The following ARG1 variants were observed in gnomAD, a reference collection of about 807,000 sequenced individuals.
The protein encoded by ARG1 is arginase 1.
In ARG1, 20 loss-of-function variants were observed where a neutral mutation model predicts 33.0. The ratio of observed to expected loss-of-function variants is 0.61; its 90% confidence interval spans 0.43 to 0.88. The LOEUF is 0.88. ARG1 is among the 40% of genes least tolerant of loss of function. The probability of loss-of-function intolerance (pLI) is 0.00; values close to 1 mark genes in which losing one functional copy is unlikely to be tolerated. For synonymous variants in ARG1, 146 were observed against 140.6 expected, an observed-to-expected ratio of 1.04 and a Z score of -0.27; for missense variants, 374 against 384.7, an observed-to-expected ratio of 0.97 and a Z score of 0.23.
At chr6:131,578,951 G>A (rs1039301718) in intron 2 of ARG1, 160 bp from the exon 3 acceptor site, 2 of 751,350 alleles carry the variant, frequency 2.7e-6, no homozygotes, top group African/African-American at 3.5e-5. Flanking sequence ...TCAAGCAAAA[G>A]CAGACATGGG....
chr6:131,579,490 T>C, intron 3 of ARG1: 1 of 521,146 alleles, frequency 1.9e-6, no homozygotes, highest in South Asian at 2.3e-5. Context: ...ATCTGTATTT[T>C]GACCTAGTAC....
At chr6:131,574,794 G>A (rs1476107355) in intron 1 of ARG1, among the ~76,000 whole-genome samples, 1 of 152,172 alleles carries the variant, frequency 6.6e-6, no homozygotes, top group Non-Finnish European at 1.5e-5. Flanking sequence ...AGGCTTGCAA[G>A]GCAGCGAACA....
chr6:131,581,724 TCTC>T (rs1385879758), intron 4 of ARG1, among the ~76,000 whole-genome samples: 5 of 152,170 alleles, frequency 3.3e-5, no homozygotes, highest in African/African-American at 1.2e-4. Context: ...TAGCACCAGG[TCTC>T]CTCATTCCTT....
rs2114519068 is a variant in ARG1 at position 131,576,668 on chromosome 6, A to G, written c.63A>G (p.Arg21=). Residue 21 remains arginine (R), a synonymous_variant, in exon 2 of 8, where the codon CGA becomes CGG. Coordinates refer to ENST00000368087, the MANE Select transcript of ARG1 (RefSeq NM_000045.4). The stretch of plus-strand genomic sequence containing the variant: ...TTTATTTTTTAATTGTTCAGCCACG[A>G]GGAGGGGTGGAAGAAGGCCCTACAG... The part of the protein sequence containing the change: ...IGAPFSKGQP[R]GGVEEGPTVL... 2 of 1,613,840 alleles carry G rather than the reference A, an allele frequency of 1.2e-6. No homozygotes were observed. Among genetic ancestry groups the G allele is most frequent in the Admixed American group, 1.7e-5 (1 of 60,008 alleles).
rs1773791337 is a variant in ARG1 at position 131,579,256 on chromosome 6, A to C, written c.276A>C (p.Arg92Ser). 6.2e-7 allele frequency: 1 copy of C among 1,614,124 alleles called. No homozygotes were observed. Among genetic ancestry groups the C allele is most frequent in the East Asian group, 2.2e-5 (1 of 44,878 alleles). The stretch of plus-strand genomic sequence containing the variant: ...TGGCAGAAGTCAAGAAGAACGGAAG[A>C]ATCAGCCTGGTGCTGGGCGGAGACC... ...GKVAEVKKNG[R>S]ISLVLGGDHS... is the part of the protein sequence containing the mutation. Residue 92 changes from arginine to serine, a missense_variant, in exon 3 of 8, where the codon AGA (arginine) becomes AGC (serine). By Grantham distance (110) the Arg-to-Ser change is moderately radical. Transcript: ENST00000368087.
Position 131,576,740 on chromosome 6 carries a change from T to TAAA in ARG1, c.130+5_130+6insAAA. 1 of 1,612,218 alleles carries TAAA rather than the reference T, an allele frequency of 6.2e-7. No homozygotes were observed. Among genetic ancestry groups the TAAA allele is most frequent in the South Asian group, 1.1e-5 (1 of 91,050 alleles). ...TTGAGAAACTTAAAGAACAAGGTAA[T>TAAA]TTTTAAGTTGAAAAATGATCAGCCT... On this transcript the variant is annotated splice_donor_region_variant and intron_variant, in intron 2 of 7. Coordinates refer to ENST00000368087, the MANE Select transcript of ARG1 (RefSeq NM_000045.4).
At chr6:131,576,067 T>C (rs1200972802) in intron 1 of ARG1, among the ~76,000 whole-genome samples, 2 of 152,232 alleles carry the variant, frequency 1.3e-5, no homozygotes, top group Non-Finnish European at 2.9e-5. Flanking sequence ...TCTGTCTTGT[T>C]TTCCTAACTA....
chr6:131,581,278 G>A lies in ARG1; in HGVS notation c.365G>A (p.Trp122Ter), dbSNP rs104893947. The change falls in exon 4 of 8, where the codon TGG (tryptophan) becomes TAG (stop). Residue 122 changes from tryptophan (W) to a stop codon, truncating the protein, a stop_gained. Coordinates refer to ENST00000368087, the MANE Select transcript of ARG1 (RefSeq NM_000045.4). LOFTEE classifies it high-confidence loss of function. Reference sequence around the variant, plus strand: ...GTCCACCCTGATCTTGGAGTCATCTGGGTGGATGCTCACACTGATATCAAC... The same window carrying A: ...GTCCACCCTGATCTTGGAGTCATCTAGGTGGATGCTCACACTGATATCAAC... ...ARVHPDLGVI[W>*]VDAHTDINTP... 2.5e-6 allele frequency: 4 copies of A among 1,613,778 alleles called. No homozygotes were observed. The African/African-American group carries it at 5.3e-5, about 22-fold the overall frequency.
rs2114552870 is a variant in ARG1 at position 131,584,160 on chromosome 6, T to C, written c.*252T>C. The stretch of plus-strand genomic sequence containing the variant: ...CCTTAGAAAGAGAAGTGTACATTGA[T>C]TTCCAATTAAAAATTTGCTGGCATT... On this transcript the variant is annotated 3_prime_UTR_variant, in exon 8 of 8. Transcript: ENST00000368087. The C allele has an allele frequency of 2.1e-6, 1 of 466,022 alleles. No individual in the cohort carries two copies. 28.9% of individuals were successfully genotyped at this position (466,022 alleles called of 1,614,324 possible). A position where few individuals can be genotyped will look rare whatever the true frequency, so the allele number is the denominator to read the frequency against.
rs1306266187 is a variant in ARG1 at position 131,584,071 on chromosome 6, T to C, written c.*163T>C. ...TTCCCTCTTGGTGTAAAATTCAAGA[T>C]GTGGAAATTCTAACTTTTTTGAAAT... On this transcript the variant is annotated 3_prime_UTR_variant, in exon 8 of 8. Coordinates refer to ENST00000368087, the MANE Select transcript of ARG1 (RefSeq NM_000045.4). 2.5e-6 allele frequency: 2 copies of C among 810,594 alleles called. No homozygotes were observed. Among genetic ancestry groups the C allele is most frequent in the Non-Finnish European group, 1.9e-6 (1 of 534,356 alleles). 50.2% of individuals were successfully genotyped at this position (810,594 alleles called of 1,614,324 possible).
At position 131,584,054 on chromosome 6, in the gene ARG1, T is replaced by C; in HGVS notation, c.*146T>C. On this transcript the variant is annotated 3_prime_UTR_variant, in exon 8 of 8. Coordinates refer to ENST00000368087, the MANE Select transcript of ARG1 (RefSeq NM_000045.4). ...AGTATAAACTCTACAAATTCCCTCT[T>C]GGTGTAAAATTCAAGATGTGGAAAT... 1.1e-6 allele frequency: 1 copy of C among 900,948 alleles called. No homozygotes were observed. Among genetic ancestry groups the C allele is most frequent in the Non-Finnish European group, 1.6e-6 (1 of 616,178 alleles). 55.8% of individuals were successfully genotyped at this position (900,948 alleles called of 1,614,324 possible). A position where few individuals can be genotyped will look rare whatever the true frequency, so the allele number is the denominator to read the frequency against.
Position 131,582,661 on chromosome 6 carries a change from T to C in ARG1, c.506T>C (p.Ile169Thr). ...GGATTCTCCTGGGTGACTCCCTGTA[T>C]ATCTGCCAAGGATATTGTGTATATT... ...VPGFSWVTPC[I>T]SAKDIVYIGL... The change falls in exon 5 of 8, where the codon ATA becomes ACA. Residue 169 changes from isoleucine (I) to threonine (T), a missense_variant. By Grantham distance (89) the Ile-to-Thr change is moderately conservative. Coordinates refer to ENST00000368087, the MANE Select transcript of ARG1 (RefSeq NM_000045.4). 1.2e-6 allele frequency: 2 copies of C among 1,613,962 alleles called. No individual in the cohort carries two copies. The highest frequency in any genetic ancestry group is 1.7e-6 in the Non-Finnish European group (2 of 1,179,852).
At chr6:131,579,457 C>T (rs902517886) in intron 3 of ARG1, 172 bp downstream of exon 3, 12 of 629,866 alleles carry the variant, frequency 1.9e-5, no homozygotes, top group African/African-American at 7.4e-5. Flanking sequence ...AAACAGACTT[C>T]GCTCAATTTG....
chr6:131,576,895 G>T (rs1456689345), intron 2 of ARG1, among the ~76,000 whole-genome samples, 160 bp downstream of exon 2: 1 of 152,108 alleles, frequency 6.6e-6, no homozygotes, highest in South Asian at 2.1e-4. Context: ...CAGGGCATGG[G>T]GAGAATGCTC....
intron 2 of ARG1, among the ~76,000 whole-genome samples, chr6:131,577,104 T>TAAAAC (rs1207047734): frequency 1.3e-5 from 2 of 152,130 alleles, no homozygotes; most frequent in African/African-American, 4.8e-5. Flanking sequence ...TAAAATAAAA[T>TAAAAC]AAAACAGTAA....
Position 131,584,037 on chromosome 6 carries a change from C to A in ARG1, c.*129C>A, listed in dbSNP as rs1281815681. ...AAAATGTTTTTCCAATTAGTATAAA[C>A]TCTACAAATTCCCTCTTGGTGTAAA... On this transcript the variant is annotated 3_prime_UTR_variant, in exon 8 of 8. Coordinates refer to ENST00000368087, the MANE Select transcript of ARG1 (RefSeq NM_000045.4). The A allele has an allele frequency of 9.7e-7, 1 of 1,034,642 alleles. No individual in the cohort carries two copies. Among genetic ancestry groups the A allele is most frequent in the Admixed American group, 2.8e-5 (1 of 35,898 alleles). The allele number at this position is 1,034,642 out of a possible 1,614,324, so 64.1% of individuals were successfully genotyped here.
At chr6:131,578,721 A>T (rs1773757887) in intron 2 of ARG1, among the ~76,000 whole-genome samples, 1 of 152,188 alleles carries the variant, frequency 6.6e-6, no homozygotes, top group African/African-American at 2.4e-5. Flanking sequence ...GTATTTAATT[A>T]TTATCAAAAT....
In ARG1 at chr6:131,576,561, T is replaced by C. The variant is rs1773621537; in HGVS notation, c.58-102T>C. 6 of 1,145,516 alleles carry C rather than the reference T, an allele frequency of 5.2e-6. No individual in the cohort carries two copies. In the East Asian group the frequency reaches 1.4e-4, roughly 27 times the overall value. 71.0% of individuals were successfully genotyped at this position (1,145,516 alleles called of 1,614,324 possible). On this transcript the variant is annotated intron_variant, in intron 1 of 7. Transcript: ENST00000368087. ...CCTGGCTCTGTAGGAGCTCAAAAAA[T>C]GATAGTTACAGTTCAACTGATTAAA...
intron 1 of ARG1, chr6:131,574,113 CAGAACACCTT>C: frequency 1.3e-6 from 1 of 749,076 alleles, no homozygotes; most frequent in Non-Finnish European, 2.4e-6. Context: ...AGTGTGATGA[CAGAACACCTT>C]AGACTTCAAC....
Sources: gnomAD v4.1 joint callset for allele counts (sites outside exome capture counted in the v4.1 genomes callset) on GRCh38, gnomAD v4.1.1 for gene constraint, MANE v1.5 for transcripts, NCBI Gene and HGNC (gene_info 2026-07-23, HGNC 2026-07-21) for gene names.